The following ABTB3 variants were observed in gnomAD, a reference collection of about 807,000 sequenced individuals.
ABTB3 encodes the protein ankyrin repeat- and BTB/POZ domain-containing protein 3.
the ABTB3 span, among the ~76,000 whole-genome samples, chr12:107,355,332 G>A: frequency 2.0e-5 from 3 of 152,228 alleles, no homozygotes; most frequent in Non-Finnish European, 2.9e-5. Context: ...AGCAGCCTGT[G>A]TGGGCCCCAG....
chr12:107,643,638 GC>G, the ABTB3 span, among the ~76,000 whole-genome samples: 2 of 123,958 alleles, frequency 1.6e-5, no homozygotes, highest in Admixed American at 7.5e-5. Context: ...GGGTTGGAAA[GC>G]TGGGTTCCAT....
chr12:107,645,269 G>A, the ABTB3 span, among the ~76,000 whole-genome samples: 10 of 152,230 alleles, frequency 6.6e-5, no homozygotes, highest in Non-Finnish European at 1.2e-4. Flanking sequence ...GTCTGGCCCA[G>A]AATTCACATT....
chr12:107,497,510 C>A, the ABTB3 span, among the ~76,000 whole-genome samples: 5 of 151,692 alleles, frequency 3.3e-5, no homozygotes, highest in African/African-American at 1.2e-4. Flanking sequence ...ATCATCATCA[C>A]CACACCATCC....
the ABTB3 span, among the ~76,000 whole-genome samples, chr12:107,375,503 C>T: frequency 6.6e-6 from 1 of 152,106 alleles, no homozygotes; most frequent in Non-Finnish European, 1.5e-5. Flanking sequence ...GAAACAGCAG[C>T]AACAAAACCA....
At chr12:107,525,629 C>A in the ABTB3 span, among the ~76,000 whole-genome samples, 1 of 152,160 alleles carries the variant, frequency 6.6e-6, no homozygotes, top group African/African-American at 2.4e-5. Context: ...TTTCTCAGAA[C>A]CCATCCCTGT....
the ABTB3 span, among the ~76,000 whole-genome samples, chr12:107,393,251 G>T: frequency 6.6e-6 from 1 of 150,630 alleles, no homozygotes; most frequent in Non-Finnish European, 1.5e-5. Context: ...ATGAGGTCAT[G>T]GGAAGAATCA....
At chr12:107,452,019 T>C in the ABTB3 span, among the ~76,000 whole-genome samples, 1 of 152,136 alleles carries the variant, frequency 6.6e-6, no homozygotes, top group East Asian at 1.9e-4. Context: ...GGAGCAGGTA[T>C]AGACTGGACC....
the ABTB3 span, among the ~76,000 whole-genome samples, chr12:107,582,134 G>C: frequency 3.3e-5 from 5 of 152,172 alleles, no homozygotes; most frequent in African/African-American, 4.8e-5. Context: ...AGGAAATGGA[G>C]GGTTTGTGGT....
chr12:107,376,597 G>A, the ABTB3 span, among the ~76,000 whole-genome samples: 78 of 152,184 alleles, frequency 5.1e-4, no homozygotes, highest in Admixed American at 2.7e-3. Context: ...CTGGCATTGC[G>A]CGATGCTGTG....
chr12:107,387,018 C>A, the ABTB3 span, among the ~76,000 whole-genome samples: 1 of 149,868 alleles, frequency 6.7e-6, no homozygotes, highest in Non-Finnish European at 1.5e-5. Context: ...GCTCTTATTG[C>A]CCAAGCTGGA....
chr12:107,564,363 C>T, the ABTB3 span, among the ~76,000 whole-genome samples: 1 of 152,168 alleles, frequency 6.6e-6, no homozygotes, highest in Non-Finnish European at 1.5e-5. Flanking sequence ...ACCACCAGTA[C>T]TACTTTTTCT....
At chr12:107,541,198 A>G in the ABTB3 span, among the ~76,000 whole-genome samples, 1 of 152,194 alleles carries the variant, frequency 6.6e-6, no homozygotes, top group African/African-American at 2.4e-5. Flanking sequence ...ATGAGTCCTA[A>G]GCCTTCGGAG....
chr12:107,405,157 A>G, the ABTB3 span, among the ~76,000 whole-genome samples: 1 of 152,192 alleles, frequency 6.6e-6, no homozygotes, highest in Non-Finnish European at 1.5e-5. Flanking sequence ...ACCATGGCAT[A>G]CAGTAGGCCA....
chr12:107,438,764 C>T, the ABTB3 span, among the ~76,000 whole-genome samples: 2 of 152,072 alleles, frequency 1.3e-5, no homozygotes, highest in East Asian at 1.9e-4. Flanking sequence ...TGCAAGGACG[C>T]GTTAGCACCA....
At chr12:107,380,138 G>A in the ABTB3 span, among the ~76,000 whole-genome samples, 3 of 152,214 alleles carry the variant, frequency 2.0e-5, no homozygotes, top group African/African-American at 7.2e-5. Context: ...ACCAGCAAAC[G>A]TGTTCTGAAC....
chr12:107,505,140 A>T, the ABTB3 span, among the ~76,000 whole-genome samples: 1 of 152,158 alleles, frequency 6.6e-6, no homozygotes, highest in African/African-American at 2.4e-5. Context: ...GTATACCTCC[A>T]TTCACCCCTA....
At chr12:107,637,820 GT>G in the ABTB3 span, among the ~76,000 whole-genome samples, 123 of 149,612 alleles carry the variant, frequency 8.2e-4, 1 homozygote, top group Middle Eastern at 3.5e-3. Context: ...GTGTGTGTGT[GT>G]GTGTGTGTGT....
At chr12:107,363,112 C>A in the ABTB3 span, among the ~76,000 whole-genome samples, 1 of 152,252 alleles carries the variant, frequency 6.6e-6, no homozygotes, top group Non-Finnish European at 1.5e-5. Flanking sequence ...AAAGGCCAGA[C>A]TTCCAGCTTG....
chr12:107,456,948 C>T, the ABTB3 span, among the ~76,000 whole-genome samples: 1 of 152,074 alleles, frequency 6.6e-6, no homozygotes, highest in Non-Finnish European at 1.5e-5. Context: ...CAGCCTCCAC[C>T]TCTTGGGTTC....
Sources: gnomAD v4.1 joint callset for allele counts (sites outside exome capture counted in the v4.1 genomes callset) on GRCh38, gnomAD v4.1.1 for gene constraint, MANE v1.5 for transcripts, NCBI Gene and HGNC (gene_info 2026-07-23, HGNC 2026-07-21) for gene names.